Variants in ERC2 observed in about 807,000 individuals in gnomAD.
The protein encoded by ERC2 is ELKS/RAB6-interacting/CAST family member 2, also known as ERC protein 2.
In ERC2, 42 loss-of-function variants were observed where a neutral mutation model predicts 114.8. The ratio of observed to expected loss-of-function variants is 0.37; its 90% CI spans 0.29 to 0.47. The LOEUF is 0.47. Among genes scored for constraint, ERC2 ranks in the 20% least tolerant of loss-of-function variants. The pLI is 0.99. For synonymous variants in ERC2, 454 were observed against 425.5 expected, an observed-to-expected ratio of 1.07 and a Z score of -0.82; for missense variants, 939 against 1,150.7, an observed-to-expected ratio of 0.82 and a Z score of 2.66.
chr3:56,076,891 C>T (rs973668791), intron 7 of ERC2, among the ~76,000 whole-genome samples: 3 of 152,136 alleles, frequency 2.0e-5, no homozygotes, highest in East Asian at 3.9e-4. Flanking sequence ...GAAATGCAAG[C>T]CTAGCTTTGC....
At chr3:55,826,862 G>A (rs149371597) in intron 14 of ERC2, among the ~76,000 whole-genome samples, 226 of 152,292 alleles carry the variant, frequency 1.5e-3, no homozygotes, top group Non-Finnish European at 2.6e-3. Flanking sequence ...GACTGGCGAG[G>A]CACATTGTGC....
chr3:56,319,631 G>A (rs938785298), intron 2 of ERC2, among the ~76,000 whole-genome samples: 2 of 152,036 alleles, frequency 1.3e-5, no homozygotes, highest in Non-Finnish European at 2.9e-5. Flanking sequence ...CATGTTAAAT[G>A]TTCTTATCAC....
At chr3:55,858,443 G>A (rs914288786) in intron 14 of ERC2, among the ~76,000 whole-genome samples, 6 of 152,092 alleles carry the variant, frequency 3.9e-5, no homozygotes, top group South Asian at 4.2e-4. Flanking sequence ...AAGCTGCCAC[G>A]AGGCAATGTG....
chr3:55,977,788 G>A (rs191526134), intron 12 of ERC2, among the ~76,000 whole-genome samples: 220 of 152,266 alleles, frequency 1.4e-3, no homozygotes, highest in Non-Finnish European at 2.7e-3. Flanking sequence ...AATTATAGCA[G>A]ACTGCATGAG....
chr3:56,291,678 A>T (rs1576299331), intron 3 of ERC2, among the ~76,000 whole-genome samples: 1 of 152,198 alleles, frequency 6.6e-6, no homozygotes, highest in Non-Finnish European at 1.5e-5. Context: ...TGAAATCAGG[A>T]ACACACTGAA....
chr3:56,218,801 A>G (rs2049687611), intron 3 of ERC2, among the ~76,000 whole-genome samples: 3 of 152,164 alleles, frequency 2.0e-5, no homozygotes, highest in East Asian at 1.9e-4. Context: ...ATGGAATACG[A>G]TGCAGCCATA....
rs577518046 is a variant in ERC2, at chr3:55,873,735, G to C, written c.2564+14654C>G. ...CTTCTGCCACAGGGCCTTTGCATAG[G>C]CAGATCCTCTCTTATGGACAAACTC... On this transcript the variant is annotated intron_variant, in intron 14 of 17. Transcript: ENST00000288221. Among the ~76,000 whole-genome samples, 5 of 152,230 alleles carry C rather than the reference G, an allele frequency of 3.3e-5. No individual in the cohort carries two copies. In the East Asian group the frequency reaches 9.7e-4, roughly 29 times the overall value.
chr3:55,535,112 T>C (rs2053918044), intron 17 of ERC2, among the ~76,000 whole-genome samples: 1 of 152,188 alleles, frequency 6.6e-6, no homozygotes, highest in African/African-American at 2.4e-5. Flanking sequence ...TTTCATGGTG[T>C]GTGAGTTCAG....
At chr3:55,948,071 C>G (rs1363340078) in intron 13 of ERC2, among the ~76,000 whole-genome samples, 1 of 152,156 alleles carries the variant, frequency 6.6e-6, no homozygotes, top group African/African-American at 2.4e-5. Flanking sequence ...CTTTTGTGTT[C>G]TGGTTTGAAC....
intron 13 of ERC2, among the ~76,000 whole-genome samples, chr3:55,942,207 C>T (rs1052267893): frequency 2.9e-4 from 42 of 146,416 alleles, no homozygotes; most frequent in African/African-American, 9.2e-4. Context: ...CTTTGCTGGG[C>T]CCTACTTCCT....
intron 14 of ERC2, among the ~76,000 whole-genome samples, chr3:55,883,575 C>T (rs975746895): frequency 8.2e-5 from 12 of 146,794 alleles, no homozygotes; most frequent in Non-Finnish European, 1.6e-4. Flanking sequence ...CACACAAGTG[C>T]ATGTAAAACT....
intron 12 of ERC2, among the ~76,000 whole-genome samples, chr3:55,952,123 G>T (rs1169315048): frequency 1.5e-5 from 2 of 130,200 alleles, no homozygotes; most frequent in African/African-American, 5.8e-5. Flanking sequence ...ACATAGCAAG[G>T]CCCCATCTCT....
intron 6 of ERC2, among the ~76,000 whole-genome samples, chr3:56,128,936 A>T (rs1393691943): frequency 6.6e-6 from 1 of 152,230 alleles, no homozygotes; most frequent in African/African-American, 2.4e-5. Flanking sequence ...TAGGAGCCAG[A>T]CGTTGTTCTG....
intron 15 of ERC2, 98 bp downstream of exon 15, chr3:55,734,673 C>T (rs2065511658): frequency 6.9e-7 from 1 of 1,449,452 alleles, no homozygotes; most frequent in East Asian, 2.4e-5. Flanking sequence ...CTTGAGCCCA[C>T]AGGATGGACA....
intron 8 of ERC2, among the ~76,000 whole-genome samples, chr3:56,011,387 C>A (rs6445763): frequency 0.044 from 6,756 of 152,132 alleles, 523 homozygotes; most frequent in African/African-American, 0.15. Flanking sequence ...AAACCCAGAG[C>A]TCCGAGATGC....
intron 2 of ERC2, among the ~76,000 whole-genome samples, chr3:56,395,457 G>A (rs1044947107): frequency 3.3e-5 from 5 of 152,262 alleles, no homozygotes; most frequent in Admixed American, 6.5e-5. Context: ...TTCTCATGTT[G>A]AATTTGTAAA....
At chr3:55,545,191 G>A (rs903003403) in intron 17 of ERC2, among the ~76,000 whole-genome samples, 1 of 152,058 alleles carries the variant, frequency 6.6e-6, no homozygotes, top group Non-Finnish European at 1.5e-5. Flanking sequence ...ACTCCACCAC[G>A]GCCACATCTC....
At chr3:56,073,408 A>G (rs764262805) in intron 7 of ERC2, among the ~76,000 whole-genome samples, 3 of 152,162 alleles carry the variant, frequency 2.0e-5, no homozygotes, top group Non-Finnish European at 4.4e-5. Flanking sequence ...TGCTTAGAGC[A>G]TCCTCCCAGC....
chr3:55,885,097 T>A (rs879924438), intron 14 of ERC2, among the ~76,000 whole-genome samples: 1 of 152,116 alleles, frequency 6.6e-6, no homozygotes, highest in Non-Finnish European at 1.5e-5. Context: ...ACACAGCCTC[T>A]CCCTTCCCAC....
Sources: gnomAD v4.1 joint callset for allele counts (sites outside exome capture counted in the v4.1 genomes callset) on GRCh38, gnomAD v4.1.1 for gene constraint, MANE v1.5 for transcripts, NCBI Gene and HGNC (gene_info 2026-07-23, HGNC 2026-07-21) for gene names.